FANCA: variants seen among roughly 807,000 people sequenced by gnomAD.
The protein encoded by FANCA is Fanconi anemia group A protein.
FANCA carries 236 observed loss-of-function variants against 194.3 expected under a neutral mutation model. That is an observed-to-expected ratio of 1.21 (90% CI 1.09 to 1.35). The LOEUF is 1.35. Ranked by LOEUF, FANCA falls within the 40% of genes most tolerant of loss-of-function variation. The probability of loss-of-function intolerance (pLI) is 0.00; values close to 1 mark genes in which losing one functional copy is unlikely to be tolerated. For synonymous variants in FANCA, 1,014 were observed against 715.8 expected, an observed-to-expected ratio of 1.42 and a Z score of -6.65; for missense variants, 2,628 against 1,813.9, an observed-to-expected ratio of 1.45 and a Z score of -8.15.
intron 1 of FANCA, 115 bp from the exon 2 acceptor site, chr16:89,816,101 G>A: frequency 1.3e-6 from 1 of 785,374 alleles, no homozygotes; most frequent in Non-Finnish European, 2.2e-6. Context: ...TCCCGAAGAG[G>A]GGCCGGGGCT....
At chr16:89,761,918 C>A (rs775242490) in intron 29 of FANCA, 31 bp downstream of exon 29, 1 of 1,585,504 alleles carries the variant, frequency 6.3e-7, no homozygotes, top group Non-Finnish European at 8.7e-7. Context: ...AGCCATCATG[C>A]CTGGCCAGGG....
intron 20 of FANCA, among the ~76,000 whole-genome samples, chr16:89,776,862 G>A (rs1044688964): frequency 5.9e-5 from 9 of 152,000 alleles, no homozygotes; most frequent in African/African-American, 7.2e-5. Context: ...AAAATAAAAC[G>A]CATTAGTTCA....
At chr16:89,806,792 C>T (rs2040666001) in intron 6 of FANCA, among the ~76,000 whole-genome samples, 1 of 152,190 alleles carries the variant, frequency 6.6e-6, no homozygotes, top group African/African-American at 2.4e-5. Flanking sequence ...GCAATCTTTT[C>T]CCCACCCTTC....
intron 8 of FANCA, among the ~76,000 whole-genome samples, chr16:89,801,915 A>C (rs527691539): frequency 9.2e-5 from 14 of 152,152 alleles, no homozygotes; most frequent in South Asian, 2.1e-4. Flanking sequence ...CAAAAAAAAA[A>C]CCAGAACTGC....
chr16:89,774,088 G>T (rs981091404), intron 21 of FANCA, among the ~76,000 whole-genome samples: 2 of 152,038 alleles, frequency 1.3e-5, no homozygotes, highest in African/African-American at 4.8e-5. Context: ...AATATAAAAA[G>T]GAAGATACGC....
chr16:89,747,475 T>A lies in FANCA; in HGVS notation c.3349-585A>T, dbSNP rs1344108506. 2.6e-5 allele frequency among the ~76,000 whole-genome samples: 4 copies of A among 151,976 alleles called. No individual in the cohort carries two copies. The South Asian group carries it at 8.3e-4, about 32-fold the overall frequency. On this transcript the variant is annotated intron_variant, in intron 33 of 42. Transcript: ENST00000389301. Reference sequence around the variant, plus strand: ...CAGCACTTTGGGAGGCCAAGGCGGGTGGATCACGAGGTCAGGAGTTCAAGA... The same window carrying A: ...CAGCACTTTGGGAGGCCAAGGCGGGAGGATCACGAGGTCAGGAGTTCAAGA...
intron 21 of FANCA, among the ~76,000 whole-genome samples, chr16:89,773,944 T>C (rs2039409330): frequency 6.6e-6 from 1 of 152,044 alleles, no homozygotes; most frequent in Non-Finnish European, 1.5e-5. Context: ...TAATTTTTTG[T>C]ATTTTTAGTA....
intron 41 of FANCA, 32 bp downstream of exon 41, chr16:89,739,101 C>T: frequency 1.2e-6 from 2 of 1,613,958 alleles, no homozygotes; most frequent in East Asian, 2.2e-5. Flanking sequence ...GGGGGGAGCT[C>T]CCCTGGAGGT....
intron 3 of FANCA, among the ~76,000 whole-genome samples, chr16:89,812,024 T>G (rs988454535): frequency 4.0e-5 from 6 of 148,532 alleles, no homozygotes; most frequent in African/African-American, 1.2e-4. Context: ...AGCCACCACG[T>G]GAGCCAAAAT....
intron 5 of FANCA, chr16:89,810,438 A>G (rs2040832339): frequency 2.4e-6 from 1 of 416,036 alleles, no homozygotes. Context: ...AATTCTCCAT[A>G]CTAATATACC....
chr16:89,749,158 T>G (rs45558939), intron 32 of FANCA, among the ~76,000 whole-genome samples: 5,054 of 152,276 alleles, frequency 0.033, 295 homozygotes, highest in African/African-American at 0.12. Context: ...CTGAACACTT[T>G]TCCCTACTTT....
intron 20 of FANCA, 111 bp from the exon 21 acceptor site, chr16:89,775,926 T>C (rs1196445744): frequency 3.1e-6 from 2 of 643,574 alleles, no homozygotes; most frequent in Non-Finnish European, 5.3e-6. Context: ...AAATAAATTA[T>C]AAATACTGTG....
Position 89,758,640 on chromosome 16 carries a change from C to G in FANCA, c.2918G>C (p.Cys973Ser). 4 of 1,614,102 alleles carry G rather than the reference C, an allele frequency of 2.5e-6. No homozygotes were observed. Among genetic ancestry groups the G allele is most frequent in the Non-Finnish European group, 3.4e-6 (4 of 1,179,954 alleles). The change falls in exon 30 of 43, where the codon TGT becomes TCT. Residue 973 changes from cysteine to serine, a missense_variant. Cys to Ser is a moderately radical substitution (Grantham distance 112). Transcript: ENST00000389301. ...ACACGCAGCCTGCAGGTCTCCGTCA[C>G]AGCCCCCTGAAGCCGAGGACTCAGG... ...FLPESSASGG[C>S]DGDLQAACTI...
chr16:89,747,349 G>A (rs56033525), intron 33 of FANCA, among the ~76,000 whole-genome samples: 2 of 152,180 alleles, frequency 1.3e-5, no homozygotes, highest in African/African-American at 4.8e-5. Flanking sequence ...ATTCAAAGGA[G>A]ACCATAGTGA....
At chr16:89,784,445 CAT>C (rs1290924437) in intron 15 of FANCA, among the ~76,000 whole-genome samples, 2 of 130,338 alleles carry the variant, frequency 1.5e-5, no homozygotes, top group Non-Finnish European at 3.3e-5. Flanking sequence ...AAAAAGCAAA[CAT>C]GAGATCCTAA....
chr16:89,766,769 A>G (rs946353640), intron 27 of FANCA, among the ~76,000 whole-genome samples: 2 of 152,202 alleles, frequency 1.3e-5, no homozygotes, highest in Admixed American at 6.5e-5. Context: ...TTACTAGATG[A>G]GAGGAATAAG....
chr16:89,748,584 T>C, intron 33 of FANCA, 75 bp downstream of exon 33: 2 of 1,106,244 alleles, frequency 1.8e-6, no homozygotes, highest in Non-Finnish European at 2.8e-6. Flanking sequence ...AGTACACGCA[T>C]GGAGGCTGCA....
At chr16:89,779,777 G>A in intron 18 of FANCA, 92 bp downstream of exon 18, 1 of 1,042,416 alleles carries the variant, frequency 9.6e-7, no homozygotes. Context: ...CACCCTGCAG[G>A]CATCAGAGCA....
intron 31 of FANCA, 36 bp from the exon 32 acceptor site, chr16:89,749,938 C>A (rs185051170): frequency 6.2e-7 from 1 of 1,611,546 alleles, no homozygotes; most frequent in Non-Finnish European, 8.5e-7. Flanking sequence ...AGGAAGGCCT[C>A]GGGGCTCACT....
Sources: allele counts gnomAD v4.1 joint callset (sites outside exome capture counted in the v4.1 genomes callset), GRCh38; gene constraint gnomAD v4.1.1; transcripts MANE v1.5; gene names NCBI Gene and HGNC (gene_info 2026-07-23, HGNC 2026-07-21).